Variants in CEP112 observed in about 807,000 individuals in gnomAD.
CEP112 encodes centrosomal protein of 112 kDa.
Under a neutral mutation model 153.0 loss-of-function variants are expected in CEP112, and 127 were observed. The observed-to-expected ratio is 0.83, with a 90% CI of 0.72 to 0.96. The LOEUF (loss-of-function observed/expected upper bound fraction) is 0.96, where lower values mean the gene tolerates loss of function less well. Ranked by LOEUF, CEP112 falls within the 40% of genes least tolerant of loss-of-function variation. The probability of loss-of-function intolerance (pLI) is 0.00; values close to 1 mark genes in which losing one functional copy is unlikely to be tolerated. For synonymous variants in CEP112, 358 were observed against 374.4 expected (o/e 0.96, Z 0.51); for missense variants, 1,089 against 1,101.2 (o/e 0.99, Z 0.16).
intron 24 of CEP112, chr17:65,654,984 G>A (rs1277520939): frequency 1.0e-5 from 7 of 690,416 alleles, no homozygotes; most frequent in South Asian, 5.4e-5. Flanking sequence ...ATTGGCAAAG[G>A]GAACCTGATA....
At chr17:65,886,411 T>C (rs1033068593) in intron 20 of CEP112, among the ~76,000 whole-genome samples, 2 of 152,056 alleles carry the variant, frequency 1.3e-5, no homozygotes, top group African/African-American at 4.8e-5. Context: ...TTTGTCAGAG[T>C]TTCTGCAGTA....
At chr17:65,648,451 C>T (rs1358789208) in intron 24 of CEP112, among the ~76,000 whole-genome samples, 1 of 152,190 alleles carries the variant, frequency 6.6e-6, no homozygotes, top group Non-Finnish European at 1.5e-5. Context: ...CTTTTCCCTC[C>T]AAGGCACGGC....
Position 66,027,909 on chromosome 17 carries a change from C to T in CEP112, c.1597-349G>A, listed in dbSNP as rs189635596. Among the ~76,000 whole-genome samples, 231 of 151,248 alleles carry T rather than the reference C, an allele frequency of 1.5e-3. 3 individuals carry two copies. The highest frequency in any genetic ancestry group is 6.0e-4 in the Non-Finnish European group (41 of 67,808). On this transcript the variant is annotated intron_variant, in intron 15 of 26. Coordinates refer to ENST00000535342, the MANE Select transcript of CEP112 (RefSeq NM_001199165.4). ...GTAACAGTCCTTGGTATTTTTTGAT[C>T]ACGAGAGAAAAGAGATCTAAAAGGT...
intron 21 of CEP112, among the ~76,000 whole-genome samples, chr17:65,781,026 G>C (rs143883783): frequency 8.5e-5 from 13 of 152,154 alleles, no homozygotes; most frequent in Admixed American, 8.5e-4. Context: ...CAGATTTGTA[G>C]ACAGTTCAAT....
At chr17:65,920,905 C>A (rs1479644207) in intron 19 of CEP112, among the ~76,000 whole-genome samples, 1 of 152,118 alleles carries the variant, frequency 6.6e-6, no homozygotes, top group Non-Finnish European at 1.5e-5. Context: ...TTATATTCAA[C>A]CTCAATAAAT....
At chr17:66,033,114 G>T (rs2065563229) in intron 12 of CEP112, among the ~76,000 whole-genome samples, 1 of 152,080 alleles carries the variant, frequency 6.6e-6, no homozygotes, top group Non-Finnish European at 1.5e-5. Context: ...TTAAGGGAAA[G>T]AAATAACATT....
chr17:66,139,612 G>GA (rs892083477), intron 4 of CEP112, among the ~76,000 whole-genome samples: 2 of 147,304 alleles, frequency 1.4e-5, no homozygotes, highest in African/African-American at 2.5e-5. Context: ...TATCTCAAGA[G>GA]AAAAAAAAAA....
At chr17:65,784,784 T>C (rs543128009) in intron 21 of CEP112, among the ~76,000 whole-genome samples, 2 of 152,292 alleles carry the variant, frequency 1.3e-5, no homozygotes, top group African/African-American at 4.8e-5. Context: ...AGCCAGATTT[T>C]CTATTTTTAA....
At chr17:65,682,362 C>T (rs898907673) in intron 24 of CEP112, among the ~76,000 whole-genome samples, 17 of 151,228 alleles carry the variant, frequency 1.1e-4, no homozygotes, top group African/African-American at 4.1e-4. Context: ...ATATCCAGCT[C>T]AAGCCTTCCG....
At chr17:65,786,295 T>G (rs2054270033) in intron 21 of CEP112, among the ~76,000 whole-genome samples, 1 of 152,062 alleles carries the variant, frequency 6.6e-6, no homozygotes, top group Non-Finnish European at 1.5e-5. Flanking sequence ...AACTCTTATT[T>G]TTCAAACAGG....
rs190860824 is a variant in CEP112, at chr17:66,179,504, T to C, written c.107-2484A>G. Reference sequence around the variant, plus strand: ...TTTTTCAGATTGTTTGCTGTTGGCATATAGACATGTTACTGATTTTTGTAT... The same window carrying C: ...TTTTTCAGATTGTTTGCTGTTGGCACATAGACATGTTACTGATTTTTGTAT... On this transcript the variant is annotated intron_variant, in intron 2 of 26. Coordinates refer to ENST00000535342, the MANE Select transcript of CEP112 (RefSeq NM_001199165.4). Among the ~76,000 whole-genome samples the C allele has an allele frequency of 4.6e-4, 70 of 152,236 alleles. 1 individual carries two copies. The East Asian group carries it at 0.013, about 28-fold the overall frequency.
intron 21 of CEP112, among the ~76,000 whole-genome samples, chr17:65,791,485 A>G (rs1406055465): frequency 6.6e-6 from 1 of 152,230 alleles, no homozygotes; most frequent in East Asian, 1.9e-4. Flanking sequence ...TTCCCTAAGT[A>G]AAAGTATAAG....
intron 20 of CEP112, among the ~76,000 whole-genome samples, chr17:65,898,666 C>T (rs527800880): frequency 6.6e-6 from 1 of 152,210 alleles, no homozygotes; most frequent in Non-Finnish European, 1.5e-5. Context: ...TATGCAAATG[C>T]TAAATTCAAT....
At chr17:65,900,527 G>C (rs974384817) in intron 20 of CEP112, among the ~76,000 whole-genome samples, 2 of 152,066 alleles carry the variant, frequency 1.3e-5, no homozygotes, top group Non-Finnish European at 2.9e-5. Flanking sequence ...AATCACAAAG[G>C]TTCCCTCTAA....
At chr17:65,769,568 C>T (rs1430657669) in intron 21 of CEP112, among the ~76,000 whole-genome samples, 9 of 151,982 alleles carry the variant, frequency 5.9e-5, no homozygotes, top group Admixed American at 5.9e-4. Flanking sequence ...GAAACAGATG[C>T]CTAGACTAAT....
At chr17:66,118,150 C>T (rs1373673720) in intron 6 of CEP112, among the ~76,000 whole-genome samples, 2 of 152,024 alleles carry the variant, frequency 1.3e-5, no homozygotes, top group Non-Finnish European at 2.9e-5. Flanking sequence ...TTCATCAATC[C>T]CAATGCTGGG....
intron 18 of CEP112, among the ~76,000 whole-genome samples, chr17:65,937,487 G>T (rs1360241772): frequency 9.9e-6 from 1 of 101,162 alleles, no homozygotes; most frequent in East Asian, 6.5e-4. Flanking sequence ...GAAGTGAGGA[G>T]ACCCTCTGCC....
chr17:66,046,226 T>C (rs977942055), intron 12 of CEP112, among the ~76,000 whole-genome samples: 1 of 152,026 alleles, frequency 6.6e-6, no homozygotes, highest in Non-Finnish European at 1.5e-5. Context: ...GTATTTTTAG[T>C]AGAGATGGGG....
intron 6 of CEP112, among the ~76,000 whole-genome samples, chr17:66,097,697 T>C (rs755742728): frequency 6.6e-6 from 1 of 152,194 alleles, no homozygotes; most frequent in Non-Finnish European, 1.5e-5. Flanking sequence ...CTCTGGGACC[T>C]AGCACAATAT....
Sources: gnomAD v4.1 joint callset for allele counts (sites outside exome capture counted in the v4.1 genomes callset) on GRCh38, gnomAD v4.1.1 for gene constraint, MANE v1.5 for transcripts, NCBI Gene and HGNC (gene_info 2026-07-23, HGNC 2026-07-21) for gene names.